Variants in PAPPA2 observed in about 807,000 individuals in gnomAD.
The protein encoded by PAPPA2 is pappalysin-2.
Under a neutral mutation model 176.4 loss-of-function variants are expected in PAPPA2, and 86 were observed. The ratio of observed to expected loss-of-function variants is 0.49; its 90% CI spans 0.41 to 0.58. PAPPA2 has a LOEUF of 0.58. Among genes scored for constraint, PAPPA2 ranks in the 20% least tolerant of loss-of-function variants. PAPPA2 has a pLI of 0.00. For synonymous variants in PAPPA2, 809 were observed against 852.2 expected (o/e 0.95, Z 0.88); for missense variants, 2,073 against 2,256.9 (o/e 0.92, Z 1.65).
chr1:176,511,533 G>A (rs945404613), intron 1 of PAPPA2, among the ~76,000 whole-genome samples: 1 of 152,120 alleles, frequency 6.6e-6, no homozygotes, highest in Non-Finnish European at 1.5e-5. Context: ...ATAATTTTAT[G>A]TGTCAGTTTA....
rs139810393 is a variant in PAPPA2 at position 176,795,329 on chromosome 1, C to T, written c.5130+1660C>T. On this transcript the variant is annotated intron_variant, in intron 20 of 22. Transcript: ENST00000367662. Reference sequence around the variant, plus strand: ...CTCCTCAATGCGGGATTCATTTCATCTTTTACTCAGGAGGAGGTGGCTGCA... The same window carrying T: ...CTCCTCAATGCGGGATTCATTTCATTTTTTACTCAGGAGGAGGTGGCTGCA... Among the ~76,000 whole-genome samples the T allele has an allele frequency of 3.0e-4, 46 of 152,204 alleles. No individual in the cohort carries two copies. In the East Asian group the frequency reaches 8.9e-3, roughly 29 times the overall value.
At chr1:176,629,841 A>C (rs557124265) in intron 3 of PAPPA2, among the ~76,000 whole-genome samples, 8 of 152,308 alleles carry the variant, frequency 5.3e-5, no homozygotes, top group African/African-American at 1.9e-4. Flanking sequence ...TATATTTTAG[A>C]AGCACTTGGG....
At chr1:176,807,497 C>CTTTCT (rs1553207723) in intron 21 of PAPPA2, among the ~76,000 whole-genome samples, 1 of 137,776 alleles carries the variant, frequency 7.3e-6, no homozygotes, top group Non-Finnish European at 1.6e-5. Context: ...TTCTTTCTTT[C>CTTTCT]TTTTTTTTTT....
At chr1:176,649,979 A>G (rs1320397105) in intron 3 of PAPPA2, among the ~76,000 whole-genome samples, 2 of 151,584 alleles carry the variant, frequency 1.3e-5, no homozygotes, top group Non-Finnish European at 3.0e-5. Context: ...TAATCTGTCC[A>G]TTACTCAGAA....
chr1:176,610,218 C>T (rs1239139843), intron 3 of PAPPA2, among the ~76,000 whole-genome samples: 3 of 151,554 alleles, frequency 2.0e-5, no homozygotes, highest in Non-Finnish European at 4.4e-5. Context: ...ATTCCATAGC[C>T]ATTCCTAGGA....
chr1:176,514,675 G>A (rs1648807426), intron 1 of PAPPA2, among the ~76,000 whole-genome samples: 2 of 152,188 alleles, frequency 1.3e-5, no homozygotes, highest in South Asian at 4.1e-4. Flanking sequence ...CTTAAAAAAC[G>A]AGGTGTAGAC....
At chr1:176,623,077 C>T (rs1655684272) in intron 3 of PAPPA2, among the ~76,000 whole-genome samples, 1 of 152,178 alleles carries the variant, frequency 6.6e-6, no homozygotes, top group Non-Finnish European at 1.5e-5. Flanking sequence ...AAAACTATCA[C>T]ATTGGGAATT....
chr1:176,497,241 G>C (rs1405375965), intron 1 of PAPPA2, among the ~76,000 whole-genome samples: 2 of 152,078 alleles, frequency 1.3e-5, no homozygotes, highest in African/African-American at 4.8e-5. Flanking sequence ...AAAAATTTCA[G>C]AGGCAATCTG....
intron 9 of PAPPA2, among the ~76,000 whole-genome samples, chr1:176,704,542 G>A (rs975649529): frequency 2.0e-5 from 3 of 152,064 alleles, no homozygotes; most frequent in African/African-American, 7.2e-5. Flanking sequence ...GGCTCTTTTT[G>A]CCTTTAAAAT....
intron 21 of PAPPA2, among the ~76,000 whole-genome samples, chr1:176,812,870 C>G (rs2102964433): frequency 6.6e-6 from 1 of 151,922 alleles, no homozygotes; most frequent in Admixed American, 6.6e-5. Context: ...ATTTGCTGCA[C>G]AGATCAACCC....
rs557334473 is a variant in PAPPA2 at position 176,770,838 on chromosome 1, C to T, written c.4502-129C>T. The T allele has an allele frequency of 8.8e-6, 7 of 793,178 alleles. No homozygotes were observed. The South Asian group carries it at 1.1e-4, about 12-fold the overall frequency. 49.1% of individuals were successfully genotyped at this position (793,178 alleles called of 1,614,324 possible). A position where few individuals can be genotyped will look rare whatever the true frequency, so the allele number is the denominator to read the frequency against. Reference sequence around the variant, plus strand: ...CATTTGATGTGGGATTTTTGAGATGCTACTCAAGAAAGAATAATATGACTT... The same window carrying T: ...CATTTGATGTGGGATTTTTGAGATGTTACTCAAGAAAGAATAATATGACTT... On this transcript the variant is annotated intron_variant, in intron 16 of 22. Coordinates refer to ENST00000367662, the MANE Select transcript of PAPPA2 (RefSeq NM_020318.3).
chr1:176,496,604 C>T (rs987307305), intron 1 of PAPPA2, among the ~76,000 whole-genome samples: 1 of 152,116 alleles, frequency 6.6e-6, no homozygotes, highest in African/African-American at 2.4e-5. Context: ...CTTTGTCCTC[C>T]TACACTATGA....
At chr1:176,545,415 AAAAT>A (rs55993766) in intron 1 of PAPPA2, among the ~76,000 whole-genome samples, 7,699 of 146,262 alleles carry the variant, frequency 0.053, 228 homozygotes, top group African/African-American at 0.056. Flanking sequence ...AACCTCAGAA[AAAAT>A]AAATAAATAA....
chr1:176,796,595 TC>T (rs1665436240), intron 20 of PAPPA2, among the ~76,000 whole-genome samples: 2 of 94,232 alleles, frequency 2.1e-5, no homozygotes, highest in South Asian at 3.9e-4. Context: ...TCTTTCTTTC[TC>T]TTTCTTTTCT....
In PAPPA2 at chr1:176,843,102, G is replaced by A. The variant is rs1040908988; in HGVS notation, c.*648G>A. On this transcript the variant is annotated 3_prime_UTR_variant, in exon 23 of 23. Transcript: ENST00000367662. ...GAAGTTCACATTCAAGATGAATGTT[G>A]AGACTTTGAGGACAGAAAGGCAACT... is the stretch of plus-strand genomic sequence containing the variant. 3.3e-5 allele frequency: 5 copies of A among 151,982 alleles called. No homozygotes were observed. The highest frequency in any genetic ancestry group is 1.2e-4 in the African/African-American group (5 of 41,388). 9.4% of individuals were successfully genotyped at this position (151,982 alleles called of 1,614,324 possible).
intron 1 of PAPPA2, among the ~76,000 whole-genome samples, chr1:176,482,246 C>A (rs745656790): frequency 6.6e-6 from 1 of 152,082 alleles, no homozygotes; most frequent in Non-Finnish European, 1.5e-5. Context: ...TTCCCTAAGC[C>A]GAATAATGGC....
At chr1:176,465,125 T>C (rs1651555948) in intron 1 of PAPPA2, among the ~76,000 whole-genome samples, 1 of 152,210 alleles carries the variant, frequency 6.6e-6, no homozygotes, top group African/African-American at 2.4e-5. Context: ...GGATGTGCCA[T>C]GATATATTTT....
chr1:176,779,519 CAGAG>C (rs565823413), intron 17 of PAPPA2, among the ~76,000 whole-genome samples: 157 of 102,628 alleles, frequency 1.5e-3, no homozygotes, highest in Middle Eastern at 5.6e-3. Context: ...CACACACACA[CAGAG>C]AGAGAGAGAG....
At chr1:176,690,815 A>C in intron 5 of PAPPA2, 2 of 1,013,776 alleles carry the variant, frequency 2.0e-6, no homozygotes, top group Non-Finnish European at 2.4e-6. Flanking sequence ...AAAGGAAAAG[A>C]GTTTATGGGT....
Sources: allele counts gnomAD v4.1 joint callset (sites outside exome capture counted in the v4.1 genomes callset), GRCh38; gene constraint gnomAD v4.1.1; transcripts MANE v1.5; gene names NCBI Gene and HGNC (gene_info 2026-07-23, HGNC 2026-07-21).